CA10: variants seen among roughly 807,000 people sequenced by gnomAD.
CA10 encodes carbonic anhydrase 10 (inactive).
Under a neutral mutation model 44.2 loss-of-function variants are expected in CA10, and 14 were observed. The observed-to-expected ratio is 0.32, with a 90% CI of 0.21 to 0.50. CA10 has a LOEUF of 0.50. Among genes scored for constraint, CA10 ranks in the 20% least tolerant of loss-of-function variants. The pLI, the probability that CA10 is intolerant of heterozygous loss-of-function variation, is 0.99. For synonymous variants in CA10, 159 were observed against 141.6 expected (o/e 1.12, Z -0.87); for missense variants, 350 against 409.7 (o/e 0.85, Z 1.26).
At chr17:52,061,603 CA>C (rs1987387355) in intron 2 of CA10, among the ~76,000 whole-genome samples, 1 of 152,198 alleles carries the variant, frequency 6.6e-6, no homozygotes, top group African/African-American at 2.4e-5. Flanking sequence ...GCAGTTTCCC[CA>C]CATGTTGTTC....
At chr17:52,140,114 T>C (rs923583115) in intron 1 of CA10, among the ~76,000 whole-genome samples, 1 of 152,172 alleles carries the variant, frequency 6.6e-6, no homozygotes, top group Non-Finnish European at 1.5e-5. Context: ...CAAAGAAACA[T>C]ACAGAAATTT....
At chr17:51,856,708 T>C (rs1598084523) in intron 3 of CA10, among the ~76,000 whole-genome samples, 1 of 152,190 alleles carries the variant, frequency 6.6e-6, no homozygotes, top group Non-Finnish European at 1.5e-5. Context: ...AAGATCCCTT[T>C]ACTACAAGCT....
chr17:51,704,878 G>A (rs1403297676), intron 4 of CA10, among the ~76,000 whole-genome samples: 2 of 151,666 alleles, frequency 1.3e-5, no homozygotes, highest in Non-Finnish European at 2.9e-5. Context: ...CAGGAGAATC[G>A]CTTGAAGCTG....
intron 2 of CA10, among the ~76,000 whole-genome samples, chr17:51,931,576 T>C (rs1330160674): frequency 6.6e-6 from 1 of 152,134 alleles, no homozygotes; most frequent in Non-Finnish European, 1.5e-5. Flanking sequence ...TGTCATTCAG[T>C]GTACACAAAG....
intron 8 of CA10, among the ~76,000 whole-genome samples, chr17:51,632,797 G>A (rs927744486): frequency 1.3e-5 from 2 of 152,146 alleles, no homozygotes; most frequent in African/African-American, 4.8e-5. Context: ...ATTAACAGAT[G>A]TTTAGTAGTA....
chr17:52,056,133 G>A (rs1987223021), intron 2 of CA10, among the ~76,000 whole-genome samples: 1 of 152,004 alleles, frequency 6.6e-6, no homozygotes, highest in Non-Finnish European at 1.5e-5. Flanking sequence ...GGAAGAGCAG[G>A]CACAGCGGGC....
intron 1 of CA10, among the ~76,000 whole-genome samples, chr17:52,079,641 A>G (rs535745358): frequency 6.6e-6 from 1 of 152,236 alleles, no homozygotes; most frequent in South Asian, 2.1e-4. Context: ...TGTGACGCCT[A>G]TATTTGTGGT....
chr17:51,809,802 T>TTGAG (rs1204937081), intron 3 of CA10, among the ~76,000 whole-genome samples: 6 of 152,060 alleles, frequency 3.9e-5, no homozygotes, highest in Non-Finnish European at 8.8e-5. Flanking sequence ...ATGTGCTGGG[T>TTGAG]TGAGGTTGGG....
At chr17:51,660,952 T>A (rs1021868578) in intron 4 of CA10, among the ~76,000 whole-genome samples, 11 of 152,064 alleles carry the variant, frequency 7.2e-5, no homozygotes, top group Non-Finnish European at 1.6e-4. Flanking sequence ...AGGGAGGGAA[T>A]AAACTTCCCT....
chr17:51,870,721 T>A lies in CA10; in HGVS notation c.279+60269A>T, dbSNP rs73989425. 7.2e-3 allele frequency among the ~76,000 whole-genome samples: 1,094 copies of A among 152,344 alleles called. 15 individuals are homozygous for A. Among genetic ancestry groups the A allele is most frequent in the African/African-American group, 0.024 (1,014 of 41,580 alleles). On this transcript the variant is annotated intron_variant, in intron 3 of 8. Transcript: ENST00000451037. ...ATCAAGGAAGCATTGGCACAGGGAC[T>A]GAAACAATCCTTTGCCCTCTGATCA...
chr17:52,111,162 A>G (rs993520526), intron 1 of CA10, among the ~76,000 whole-genome samples: 1 of 152,190 alleles, frequency 6.6e-6, no homozygotes, highest in African/African-American at 2.4e-5. Flanking sequence ...CCAAGACTAC[A>G]CAAGGTTGTA....
intron 4 of CA10, among the ~76,000 whole-genome samples, chr17:51,716,261 G>A (rs2143508578): frequency 6.6e-6 from 1 of 152,232 alleles, no homozygotes; most frequent in African/African-American, 2.4e-5. Flanking sequence ...GAGATCGAGT[G>A]ATATATTATA....
chr17:51,836,641 T>A (rs989248013), intron 3 of CA10, among the ~76,000 whole-genome samples: 7 of 152,214 alleles, frequency 4.6e-5, no homozygotes, highest in African/African-American at 1.7e-4. Flanking sequence ...CATTCGCAAA[T>A]GCTTAACATT....
chr17:51,996,646 C>T (rs1037189984), intron 2 of CA10, among the ~76,000 whole-genome samples: 14 of 152,032 alleles, frequency 9.2e-5, no homozygotes, highest in Non-Finnish European at 1.9e-4. Flanking sequence ...CTGTAGCTCA[C>T]AGCATGTACT....
At chr17:51,996,283 C>T (rs1985232347) in intron 2 of CA10, among the ~76,000 whole-genome samples, 1 of 151,952 alleles carries the variant, frequency 6.6e-6, no homozygotes, top group Non-Finnish European at 1.5e-5. Context: ...TCATACCCCT[C>T]TCCTCTTTCA....
At chr17:51,849,263 A>G (rs1445597367) in intron 3 of CA10, among the ~76,000 whole-genome samples, 1 of 138,600 alleles carries the variant, frequency 7.2e-6, no homozygotes, top group African/African-American at 2.6e-5. Context: ...ATATATATAT[A>G]TAAAACTAAG....
At chr17:51,814,760 A>G (rs150103488) in intron 3 of CA10, among the ~76,000 whole-genome samples, 1 of 152,158 alleles carries the variant, frequency 6.6e-6, no homozygotes, top group Non-Finnish European at 1.5e-5. Context: ...TCTGTCCATA[A>G]CAAATTTAAC....
At chr17:51,923,890 C>T (rs1454314842) in intron 3 of CA10, among the ~76,000 whole-genome samples, 1 of 152,144 alleles carries the variant, frequency 6.6e-6, no homozygotes, top group African/African-American at 2.4e-5. Flanking sequence ...AGCAAGGGTA[C>T]TCTTGGTTCC....
intron 2 of CA10, among the ~76,000 whole-genome samples, chr17:51,945,985 C>G (rs898801868): frequency 1.3e-5 from 2 of 152,154 alleles, no homozygotes; most frequent in Admixed American, 6.5e-5. Flanking sequence ...AAAAAGATCA[C>G]AGGAAATCTT....
Sources: gnomAD v4.1 joint callset for allele counts (sites outside exome capture counted in the v4.1 genomes callset) on GRCh38, gnomAD v4.1.1 for gene constraint, MANE v1.5 for transcripts, NCBI Gene and HGNC (gene_info 2026-07-23, HGNC 2026-07-21) for gene names.